The following FAM120B variants were observed in gnomAD, a reference collection of about 807,000 sequenced individuals.
FAM120B encodes constitutive coactivator of peroxisome proliferator-activated receptor gamma.
FAM120B carries 83 observed loss-of-function variants against 96.3 expected under a neutral mutation model. That is an observed-to-expected ratio of 0.86 (90% CI 0.72 to 1.03). FAM120B has a LOEUF of 1.03. Among genes scored for constraint, FAM120B ranks in the 50% least tolerant of loss-of-function variants. The pLI is 0.00. For missense variants in FAM120B, 1,027 were observed against 1,121.2 expected (o/e 0.92, Z 1.20); for synonymous variants, 407 against 402.7 (o/e 1.01, Z -0.13).
chr6:170,299,238 A>G (rs1176237715), intron 1 of FAM120B, among the ~76,000 whole-genome samples: 2 of 152,180 alleles, frequency 1.3e-5, no homozygotes, highest in African/African-American at 4.8e-5. Flanking sequence ...TCTTCAATTA[A>G]TATAGGCTTA....
chr6:170,320,806 C>G (rs150115130), intron 2 of FAM120B, among the ~76,000 whole-genome samples: 1 of 152,080 alleles, frequency 6.6e-6, no homozygotes, highest in East Asian at 1.9e-4. Context: ...CAGGAGTGAG[C>G]AGAGGAGGAA....
chr6:170,348,123 T>C (rs2115139672), intron 4 of FAM120B, 28 bp from the exon 5 acceptor site: 2 of 1,592,996 alleles, frequency 1.3e-6, no homozygotes, highest in East Asian at 4.5e-5. Context: ...CAAAGAACAA[T>C]AGTTAATGGA....
At chr6:170,353,399 A>G (rs776178684) in intron 5 of FAM120B, among the ~76,000 whole-genome samples, 152 of 152,238 alleles carry the variant, frequency 1.0e-3, no homozygotes, top group Non-Finnish European at 1.8e-3. Flanking sequence ...AACTTGTTCT[A>G]TGAGTCCAGC....
chr6:170,360,843 A>G (rs1014882797), intron 6 of FAM120B, among the ~76,000 whole-genome samples: 1 of 151,984 alleles, frequency 6.6e-6, no homozygotes, highest in Non-Finnish European at 1.5e-5. Flanking sequence ...TTGAAATCCT[A>G]GGTAGGGCAG....
At position 170,314,666 on chromosome 6, in the gene FAM120B, A is replaced by G. The variant is rs573951317; in HGVS notation, c.-21-2704A>G. 2.2e-4 allele frequency among the ~76,000 whole-genome samples: 33 copies of G among 152,360 alleles called. 1 individual carries two copies. Among genetic ancestry groups the G allele is most frequent in the Admixed American group, 1.9e-3 (29 of 15,306 alleles). On this transcript the variant is annotated intron_variant, in intron 1 of 10. Transcript: ENST00000476287. Reference sequence around the variant, plus strand: ...AAAGCCTGCATATATGCTCTTAGCAATGAAAGGCTTAAAAAAGAAAAAATT... The same window carrying G: ...AAAGCCTGCATATATGCTCTTAGCAGTGAAAGGCTTAAAAAAGAAAAAATT...
intron 6 of FAM120B, among the ~76,000 whole-genome samples, chr6:170,369,689 G>GGTT (rs1562575503): frequency 7.5e-6 from 1 of 133,642 alleles, no homozygotes. Context: ...ACTTAGGGTA[G>GGTT]TTTTTTTTTT....
chr6:170,302,806 C>CCA (rs1784170081), upstream of FAM120B, among the ~76,000 whole-genome samples: 1 of 152,210 alleles, frequency 6.6e-6, no homozygotes, highest in African/African-American at 2.4e-5. Context: ...CTTGCCTGAG[C>CCA]TATGAAGCAG....
intron 5 of FAM120B, among the ~76,000 whole-genome samples, chr6:170,356,437 TTTATATA>T: frequency 6.6e-6 from 1 of 152,198 alleles, no homozygotes; most frequent in East Asian, 1.9e-4. Flanking sequence ...ATATTACAGT[TTTATATA>T]TTAAGCCTAA....
In FAM120B at chr6:170,318,306, T is replaced by C; in HGVS notation, c.916T>C (p.Leu306=). ...TTATAAAGGAATGGCATCATATCTT[T>C]TACCAGGACAAAAATCTCCATGGTT... ...LFYKGMASYL[L]PGQKSPWFFQ... The change falls in exon 2 of 11, where the codon TTA becomes CTA. Residue 306 remains leucine, a synonymous_variant. Transcript: ENST00000476287. The C allele has an allele frequency of 6.2e-7, 1 of 1,614,204 alleles. No individual in the cohort carries two copies. Among genetic ancestry groups the C allele is most frequent in the Non-Finnish European group, 8.5e-7 (1 of 1,180,040 alleles).
chr6:170,307,958 A>G (rs1784383838), intron 1 of FAM120B, among the ~76,000 whole-genome samples: 1 of 152,194 alleles, frequency 6.6e-6, no homozygotes, highest in South Asian at 2.1e-4. Context: ...GGTCCTAACC[A>G]CCATCTCCTG....
chr6:170,292,986 C>G (rs988221127), upstream of FAM120B, among the ~76,000 whole-genome samples: 3 of 152,182 alleles, frequency 2.0e-5, no homozygotes, highest in South Asian at 6.2e-4. This position sits in a 1 kb window ranked among gnomAD's most constrained non-coding sequence, Gnocchi z 6.6. Flanking sequence ...ATGCTGCCAC[C>G]CCCATGATGG....
At position 170,317,487 on chromosome 6, in the gene FAM120B, A is replaced by C; in HGVS notation, c.97A>C (p.Lys33Gln). 1 of 1,614,250 alleles carries C rather than the reference A, an allele frequency of 6.2e-7. No homozygotes were observed. The highest frequency in any genetic ancestry group is 1.7e-5 in the Admixed American group (1 of 60,036). ...AGAACTGGCAGAGCACCACCGAAGC[A>C]AGTATCCTGGATGTACCCCTACCAT... ...FKELAEHHRS[K>Q]YPGCTPTIVV... Residue 33 changes from lysine (K) to glutamine (Q), a missense_variant, in exon 2 of 11, where the codon AAG becomes CAG. Around this residue, in one of 3 missense-constraint regions of FAM120B, gnomAD observed 880 missense variants for 980.9 expected, o/e 0.90. Transcript: ENST00000476287.
rs747036956 is a variant in FAM120B at position 170,318,988 on chromosome 6, C to A, written c.1598C>A (p.Pro533His). The A allele has an allele frequency of 6.2e-7, 1 of 1,614,132 alleles. No homozygotes were observed. Among genetic ancestry groups the A allele is most frequent in the Non-Finnish European group, 8.5e-7 (1 of 1,180,004 alleles). ...CTHAEINQKL[P>H]VATDFEFKLE... ...CACGCTGAAATCAATCAAAAATTAC[C>A]TGTAGCAACAGATTTTGAATTTAAG... Residue 533 changes from proline (P) to histidine (H), a missense_variant, in exon 2 of 11, where the codon CCT (proline) becomes CAT (histidine). By Grantham distance (77) the Pro-to-His change is moderately conservative. Coordinates refer to ENST00000476287, the MANE Select transcript of FAM120B (RefSeq NM_032448.3).
rs560876648 is a variant in FAM120B, at chr6:170,372,097, A to G, written c.2283+13779A>G. Reference sequence around the variant, plus strand: ...TAAAATAAAATTTTCGTTAGGAATAATAAGAGCTTATTTTCTATCTAGACA... The same window carrying G: ...TAAAATAAAATTTTCGTTAGGAATAGTAAGAGCTTATTTTCTATCTAGACA... On this transcript the variant is annotated intron_variant, in intron 6 of 10. Transcript: ENST00000476287. Among the ~76,000 whole-genome samples, 5 of 152,330 alleles carry G rather than the reference A, an allele frequency of 3.3e-5. No homozygotes were observed. In the East Asian group the frequency reaches 5.8e-4, roughly 18 times the overall value.
intron 6 of FAM120B, among the ~76,000 whole-genome samples, chr6:170,367,681 G>A (rs1251831219): frequency 2.6e-5 from 4 of 152,230 alleles, no homozygotes; most frequent in Admixed American, 6.5e-5. Flanking sequence ...AACCCCATGC[G>A]TGAATGTAGC....
At chr6:170,398,174 G>C (rs1174969502) in intron 9 of FAM120B, among the ~76,000 whole-genome samples, 1 of 152,202 alleles carries the variant, frequency 6.6e-6, no homozygotes, top group Admixed American at 6.5e-5. Flanking sequence ...ATCGCCACAG[G>C]CAACGCACTG....
intron 6 of FAM120B, among the ~76,000 whole-genome samples, chr6:170,361,216 A>ATACG: frequency 9.4e-6 from 1 of 106,822 alleles, no homozygotes; most frequent in African/African-American, 3.8e-5. Flanking sequence ...ATATATATAT[A>ATACG]TATATATATA....
At chr6:170,297,696 G>A (rs188686191) in intron 1 of FAM120B, among the ~76,000 whole-genome samples, 17 of 152,274 alleles carry the variant, frequency 1.1e-4, no homozygotes, top group Non-Finnish European at 1.6e-4. Context: ...CCGTGCTGGG[G>A]AGCTGTTGGC....
intron 1 of FAM120B, among the ~76,000 whole-genome samples, chr6:170,296,838 C>G (rs1410357729): frequency 6.6e-6 from 1 of 152,182 alleles, no homozygotes; most frequent in Non-Finnish European, 1.5e-5. Flanking sequence ...GGCTCCTTTC[C>G]GGCTGCATCC....
Sources: allele counts gnomAD v4.1 joint callset (sites outside exome capture counted in the v4.1 genomes callset), GRCh38; gene constraint gnomAD v4.1.1; regional missense constraint gnomAD v4.1.1; non-coding constraint Gnocchi (gnomAD v3.1); transcripts MANE v1.5; gene names NCBI Gene and HGNC (gene_info 2026-07-23, HGNC 2026-07-21).